DIP2C: variants seen among roughly 807,000 people sequenced by gnomAD.
The protein encoded by DIP2C is DIP2 acetate--CoA ligase C (putative).
In DIP2C, 33 loss-of-function variants were observed where a neutral mutation model predicts 192.4. That is an observed-to-expected ratio of 0.17 (90% CI 0.13 to 0.23). DIP2C has a LOEUF of 0.23. Among genes scored for constraint, DIP2C ranks in the 10% least tolerant of loss-of-function variants. The probability of loss-of-function intolerance (pLI) is 1.00; values close to 1 mark genes in which losing one functional copy is unlikely to be tolerated. For missense variants in DIP2C, 1,537 were observed against 2,110.1 expected, an observed-to-expected ratio of 0.73 and a Z score of 5.32; for synonymous variants, 979 against 864.1, an observed-to-expected ratio of 1.13 and a Z score of -2.33.
At chr10:613,119 G>C (rs72774581) in intron 1 of DIP2C, among the ~76,000 whole-genome samples, 4,491 of 152,144 alleles carry the variant, frequency 0.03, 85 homozygotes, top group Non-Finnish European at 0.049. Context: ...TGACTGCCTC[G>C]TCTGCAAAAA....
intron 9 of DIP2C, among the ~76,000 whole-genome samples, chr10:401,391 G>A (rs569619315): frequency 8.6e-5 from 13 of 151,474 alleles, no homozygotes; most frequent in South Asian, 4.2e-4. Context: ...GACAAGTTTC[G>A]TACATTTTCA....
intron 2 of DIP2C, among the ~76,000 whole-genome samples, chr10:476,501 CA>C (rs1843039602): frequency 6.6e-6 from 1 of 152,214 alleles, no homozygotes; most frequent in Non-Finnish European, 1.5e-5. Flanking sequence ...GCACAAAAAG[CA>C]CCAAGCCAGG....
At chr10:526,745 T>C (rs1847080141) in intron 1 of DIP2C, among the ~76,000 whole-genome samples, 1 of 152,196 alleles carries the variant, frequency 6.6e-6, no homozygotes, top group Admixed American at 6.5e-5. Flanking sequence ...ATTTGTGTCA[T>C]GTCTAAGAGC....
chr10:333,489 ATCC>A lies in DIP2C; in HGVS notation c.3585-3891_3585-3889del, dbSNP rs543027230. 4.3e-4 allele frequency among the ~76,000 whole-genome samples: 65 copies of A among 152,300 alleles called. No homozygotes were observed. The East Asian group carries it at 0.012, about 28-fold the overall frequency. ...TCCCTCAGCAGGTGCTTCTGAGCTC[ATCC>A]TGTGCAGAAGCACCCACCATGTGGA... On this transcript the variant is annotated intron_variant, in intron 29 of 36. Transcript: ENST00000280886.
Position 281,206 on chromosome 10 carries a change from G to T in DIP2C, c.4412C>A (p.Thr1471Lys). The T allele has an allele frequency of 6.2e-7, 1 of 1,613,944 alleles. No homozygotes were observed. Among genetic ancestry groups the T allele is most frequent in the Non-Finnish European group, 8.5e-7 (1 of 1,179,928 alleles). Reference protein sequence around the residue: ...TSVIRAHKSVTECAVFTWTNL... With the variant: ...TSVIRAHKSVKECAVFTWTNL... ...CTGCAAGCTCACGACTTACCATTCCGTAACGCTTTTATGGGCTCTGATGAC... is the reference window on the plus strand; with the variant it reads ...CTGCAAGCTCACGACTTACCATTCCTTAACGCTTTTATGGGCTCTGATGAC... The change falls in exon 36 of 37, where the codon ACG (threonine) becomes AAG (lysine). Residue 1471 changes from threonine to lysine, a missense_variant. This residue lies in a region of DIP2C where 341 missense variants were observed against 551.7 expected (regional missense o/e 0.62). Transcript: ENST00000280886.
At chr10:570,475 C>A (rs746035561) in intron 1 of DIP2C, among the ~76,000 whole-genome samples, 1 of 152,132 alleles carries the variant, frequency 6.6e-6, no homozygotes, top group Non-Finnish European at 1.5e-5. Context: ...TAAGACATGA[C>A]CCACATCTCT....
intron 1 of DIP2C, among the ~76,000 whole-genome samples, chr10:575,981 T>C (rs771637301): frequency 2.0e-5 from 3 of 152,220 alleles, no homozygotes; most frequent in Non-Finnish European, 2.9e-5. Context: ...CAGATGCTAC[T>C]CCTGCACGTG....
chr10:413,939 C>T lies in DIP2C; in HGVS notation c.1031G>A (p.Gly344Glu). Residue 344 changes from glycine (G) to glutamate (E), a missense_variant, in exon 8 of 37, where the codon GGG becomes GAG. Gly to Glu is a moderately conservative substitution (Grantham distance 98). This residue lies in a region of DIP2C where 473 missense variants were observed against 539.6 expected (regional missense o/e 0.88). Transcript: ENST00000280886. ...APCLTTMDTN[G>E]KPLYILTYGK... is the part of the protein sequence containing the mutation. ...GTAAGTGAGGATGTAGAGGGGCTTC[C>T]CGTTGGTGTCCATGGTGGTCAGGCA... The T allele has an allele frequency of 6.2e-7, 1 of 1,614,110 alleles. No homozygotes were observed. The highest frequency in any genetic ancestry group is 8.5e-7 in the Non-Finnish European group (1 of 1,180,000).
chr10:414,733 G>GTATATATATATATA (rs1485973532), intron 7 of DIP2C, among the ~76,000 whole-genome samples: 1 of 58,292 alleles, frequency 1.7e-5, no homozygotes, highest in African/African-American at 6.2e-5. Flanking sequence ...GTGTGTGTGT[G>GTATATATATATATA]TGTGTGTACA....
intron 1 of DIP2C, among the ~76,000 whole-genome samples, chr10:561,898 C>T (rs550258880): frequency 4.2e-4 from 64 of 152,378 alleles, no homozygotes; most frequent in African/African-American, 1.5e-3. Flanking sequence ...ACGAGTCACG[C>T]GTGACAGCTC....
At chr10:573,429 G>A (rs890833955) in intron 1 of DIP2C, among the ~76,000 whole-genome samples, 3 of 152,184 alleles carry the variant, frequency 2.0e-5, no homozygotes, top group African/African-American at 7.2e-5. Flanking sequence ...CTGTTTTTCG[G>A]ACAGGGTCGC....
chr10:603,144 G>C (rs997273736), intron 1 of DIP2C, among the ~76,000 whole-genome samples: 4 of 151,726 alleles, frequency 2.6e-5, no homozygotes, highest in Non-Finnish European at 4.4e-5. Flanking sequence ...AGTCTGCAGA[G>C]TTTTCATATA....
chr10:604,277 T>C lies in DIP2C; in HGVS notation c.85+85217A>G, dbSNP rs78673446. On this transcript the variant is annotated intron_variant, in intron 1 of 36. Transcript: ENST00000280886. ...ATTATAATGACGTAAAAATTGGCATTGTTTTCCTCCTAATGAACACATCAG... is the reference window on the plus strand; with the variant it reads ...ATTATAATGACGTAAAAATTGGCATCGTTTTCCTCCTAATGAACACATCAG... Among the ~76,000 whole-genome samples, 812 of 152,296 alleles carry C rather than the reference T, an allele frequency of 5.3e-3. 1 individual carries two copies. The highest frequency in any genetic ancestry group is 6.7e-3 in the Non-Finnish European group (459 of 68,026).
intron 1 of DIP2C, among the ~76,000 whole-genome samples, chr10:646,137 G>A (rs1011682921): frequency 2.2e-4 from 34 of 152,316 alleles, no homozygotes; most frequent in African/African-American, 8.2e-4. Flanking sequence ...CCCTCACCTG[G>A]AGAAACGCAT....
chr10:400,334 T>C (rs1416914665), intron 9 of DIP2C, among the ~76,000 whole-genome samples: 1 of 151,994 alleles, frequency 6.6e-6, no homozygotes, highest in Non-Finnish European at 1.5e-5. Flanking sequence ...CAGTATGTTT[T>C]CTGATGGTCC....
intron 24 of DIP2C, chr10:356,195 A>G (rs976373909): frequency 1.7e-6 from 1 of 604,754 alleles, no homozygotes; most frequent in Non-Finnish European, 3.0e-6. Flanking sequence ...GAAATATTGT[A>G]AATAGGTTGC....
intron 2 of DIP2C, chr10:484,653 C>T: frequency 7.5e-7 from 1 of 1,339,492 alleles, no homozygotes. Context: ...ACCTGGCTCA[C>T]TGGAGAATGG....
intron 1 of DIP2C, chr10:668,776 T>G (rs181247604): frequency 8.5e-5 from 13 of 152,370 alleles, no homozygotes; most frequent in African/African-American, 3.1e-4. Flanking sequence ...ACATCCAAAC[T>G]GGTAACATGT....
Position 348,654 on chromosome 10 carries a change from T to C in DIP2C, c.3218A>G (p.Lys1073Arg). 1 of 1,613,448 alleles carries C rather than the reference T, an allele frequency of 6.2e-7. No individual in the cohort carries two copies. Among genetic ancestry groups the C allele is most frequent in the Non-Finnish European group, 8.5e-7 (1 of 1,179,824 alleles). ...QNIATTLPTV[K>R]MIVEVSRSAC... is the part of the protein sequence containing the mutation. The stretch of plus-strand genomic sequence containing the variant: ...CAGGCATGTTACCTCCACAATCATC[T>C]TGACGGTAGGCAACGTCGTCGCGAT... The change falls in exon 26 of 37, where the codon AAG (lysine) becomes AGG (arginine). Residue 1073 changes from lysine (K) to arginine (R), a missense_variant. Around this residue, in one of 4 missense-constraint regions of DIP2C, gnomAD observed 677 missense variants for 989.9 expected, o/e 0.68. Transcript: ENST00000280886.
Sources: allele counts gnomAD v4.1 joint callset (sites outside exome capture counted in the v4.1 genomes callset), GRCh38; gene constraint gnomAD v4.1.1; regional missense constraint gnomAD v4.1.1; transcripts MANE v1.5; gene names NCBI Gene and HGNC (gene_info 2026-07-23, HGNC 2026-07-21).